CPSF1: variants seen among roughly 807,000 people sequenced by gnomAD.
The protein encoded by CPSF1 is cleavage and polyadenylation specific factor 1, also known as cleavage and polyadenylation specificity factor subunit 1.
A neutral mutation model predicts 175.8 loss-of-function variants in CPSF1; 106 were observed. The observed-to-expected ratio is 0.60, with a 90% CI of 0.52 to 0.71. The LOEUF is 0.71. Ranked by LOEUF, CPSF1 falls within the 30% of genes least tolerant of loss-of-function variation. CPSF1 has a pLI of 0.00. For missense variants in CPSF1, 1,734 were observed against 2,022.9 expected, an observed-to-expected ratio of 0.86 and a Z score of 2.74; for synonymous variants, 1,024 against 858.3, an observed-to-expected ratio of 1.19 and a Z score of -3.37.
In CPSF1 at chr8:144,398,092, G is replaced by A; in HGVS notation, c.1935C>T (p.Pro645=). 6.2e-7 allele frequency: 1 copy of A among 1,610,004 alleles called. No individual in the cohort carries two copies. Among genetic ancestry groups the A allele is most frequent in the Non-Finnish European group, 8.5e-7 (1 of 1,178,258 alleles). Residue 645 remains proline, a synonymous_variant, in exon 20 of 38, where the codon CCC becomes CCT. Transcript: ENST00000616140. ...GGTCGGCCACGGCGCACTGCACGATGGGGGCGCCCAGGTCCACGGGGATGA... is the reference window on the plus strand; with the variant it reads ...GGTCGGCCACGGCGCACTGCACGATAGGGGCGCCCAGGTCCACGGGGATGA... ...LHFIPVDLGA[P]IVQCAVADPY...
chr8:144,406,239 TCTC>T (rs1554869062), intron 2 of CPSF1, among the ~76,000 whole-genome samples: 1 of 152,152 alleles, frequency 6.6e-6, no homozygotes, highest in African/African-American at 2.4e-5. Flanking sequence ...TTTACGCACA[TCTC>T]CTCCAGAGTT....
In CPSF1 at chr8:144,393,657, C is replaced by A. The variant is rs2272660; in HGVS notation, c.4145+10G>T. 6.4e-7 allele frequency: 1 copy of A among 1,565,598 alleles called. No homozygotes were observed. The highest frequency in any genetic ancestry group is 8.6e-7 in the Non-Finnish European group (1 of 1,162,434). ...AGGGGGTGCTGCACGGGGGCGGGGC[C>A]GGGGCTCACCGGAAGGCGCGGGGGT... On this transcript the variant is annotated intron_variant, in intron 36 of 37. Coordinates refer to ENST00000616140, the MANE Select transcript of CPSF1 (RefSeq NM_013291.3).
intron 2 of CPSF1, among the ~76,000 whole-genome samples, chr8:144,406,842 G>A (rs1158163756): frequency 6.6e-6 from 1 of 152,220 alleles, no homozygotes; most frequent in Non-Finnish European, 1.5e-5. Context: ...ATGCTGGGAG[G>A]TGTTGCACCC....
At position 144,397,810 on chromosome 8, in the gene CPSF1, C is replaced by T. The variant is rs546554835; in HGVS notation, c.2143G>A (p.Gly715Ser). The change falls in exon 21 of 38, where the codon GGT becomes AGT. Residue 715 changes from glycine (G) to serine (S), a missense_variant. Coordinates refer to ENST00000616140, the MANE Select transcript of CPSF1 (RefSeq NM_013291.3). Reference protein sequence around the residue: ...SGMFTTESRLGGARDELGGRS... With the variant: ...SGMFTTESRLSGARDELGGRS... ...CCCCCGAGCTCGTCACGGGCCCCAC[C>T]CAGGCGGCTCTCAGTGGTGAACATG... is the stretch of plus-strand genomic sequence containing the variant. 9.6e-5 allele frequency: 154 copies of T among 1,611,192 alleles called. No individual in the cohort carries two copies. The highest frequency in any genetic ancestry group is 6.7e-4 in the African/African-American group (50 of 75,030).
In CPSF1 at chr8:144,396,511, G is replaced by A; in HGVS notation, c.2827-11C>T. 1 of 1,611,532 alleles carries A rather than the reference G, an allele frequency of 6.2e-7. No individual in the cohort carries two copies. On this transcript the variant is annotated splice_polypyrimidine_tract_variant and intron_variant, in intron 25 of 37. Transcript: ENST00000616140. ...GCCGCAGATGAAGACCTGGGGGCAG[G>A]CACCGTGAGGATGCTGTGGATGAGG...
intron 2 of CPSF1, among the ~76,000 whole-genome samples, chr8:144,404,370 A>T (rs1407848196): frequency 1.4e-5 from 2 of 146,434 alleles, no homozygotes; most frequent in African/African-American, 5.0e-5. Context: ...ACTCAGAAGA[A>T]TTTTTTTTTT....
chr8:144,401,296 G>T lies in CPSF1; in HGVS notation c.307-5C>A. The T allele has an allele frequency of 6.4e-7, 1 of 1,571,862 alleles. No homozygotes were observed. On this transcript the variant is annotated splice_polypyrimidine_tract_variant and splice_region_variant and intron_variant, in intron 4 of 37. Coordinates refer to ENST00000616140, the MANE Select transcript of CPSF1 (RefSeq NM_013291.3). ...GTCGTACTCCACCACAGACAGCTGC[G>T]GTCAGAGGGCACAGCCGTGGCTGCC...
chr8:144,400,144 GCC>G lies in CPSF1; in HGVS notation c.937+20_937+21del. Reference sequence around the variant, plus strand: ...CCCAAGCCGTCCCCGGGCCCCCCCCGCCCCAGCCACCCCACACTCACGAAGCG... The same window carrying G: ...CCCAAGCCGTCCCCGGGCCCCCCCCGCCAGCCACCCCACACTCACGAAGCG... On this transcript the variant is annotated intron_variant, in intron 9 of 37. Transcript: ENST00000616140. The G allele has an allele frequency of 9.4e-7, 1 of 1,066,934 alleles. No homozygotes were observed. Among genetic ancestry groups the G allele is most frequent in the Non-Finnish European group, 1.2e-6 (1 of 807,582 alleles). 66.1% of individuals were successfully genotyped at this position (1,066,934 alleles called of 1,614,324 possible).
At position 144,394,649 on chromosome 8, in the gene CPSF1, G is replaced by A; in HGVS notation, c.3562C>T (p.Gln1188Ter). The change falls in exon 31 of 38, where the codon CAG becomes TAG. Residue 1188 changes from glutamine to a stop codon, truncating the protein, a stop_gained. Coordinates refer to ENST00000616140, the MANE Select transcript of CPSF1 (RefSeq NM_013291.3). LOFTEE classifies it high-confidence loss of function. ...CNGHLVSAIG[Q>*]KIFLWSLRAS... Reference sequence around the variant, plus strand: ...GCCGGGTGGGACTGGCACACCTTCTGGCCGATGGCCGACACCAGGTGGCCA... The same window carrying A: ...GCCGGGTGGGACTGGCACACCTTCTAGCCGATGGCCGACACCAGGTGGCCA... 1.2e-6 allele frequency: 2 copies of A among 1,606,294 alleles called. No individual in the cohort carries two copies. Among genetic ancestry groups the A allele is most frequent in the East Asian group, 2.2e-5 (1 of 44,624 alleles).
rs2116856887 is a variant in CPSF1, at chr8:144,398,993, C to A, written c.1513G>T (p.Gly505Cys). 2.5e-6 allele frequency: 4 copies of A among 1,612,276 alleles called. No homozygotes were observed. The highest frequency in any genetic ancestry group is 3.3e-5 in the Admixed American group (2 of 59,926). Residue 505 changes from glycine (G) to cysteine (C), a missense_variant, in exon 16 of 38, where the codon GGC (glycine) becomes TGC (cysteine). Coordinates refer to ENST00000616140, the MANE Select transcript of CPSF1 (RefSeq NM_013291.3). Reference protein sequence around the residue: ...EPDLEIVVCSGHGKNGALSVL... With the variant: ...EPDLEIVVCSCHGKNGALSVL... The stretch of plus-strand genomic sequence containing the variant: ...GACAAAGCCCCGTTCTTCCCGTGGC[C>A]GGAGCAAACCACAATCTCCAGGTCC...
At position 144,399,567 on chromosome 8, in the gene CPSF1, C is replaced by T. The variant is rs2116864093; in HGVS notation, c.1242+21G>A. 1.2e-5 allele frequency: 19 copies of T among 1,610,714 alleles called. No individual in the cohort carries two copies. The Admixed American group carries it at 3.2e-4, about 27-fold the overall frequency. On this transcript the variant is annotated intron_variant, in intron 12 of 37. Transcript: ENST00000616140. The surrounding 1 kb of genome is among the most constrained non-coding windows in gnomAD (Gnocchi z 6.4). ...AGTGCCCACATGAAGGGTGGTGGCC[C>T]AATGGGCCCAGGAAACCCACCTTGT...
intron 2 of CPSF1, among the ~76,000 whole-genome samples, chr8:144,405,055 GAGAA>G (rs1554868638): frequency 1.5e-5 from 1 of 66,282 alleles, no homozygotes; most frequent in African/African-American, 6.3e-5. Flanking sequence ...AAAAAAAAAA[GAGAA>G]AGAAAGAAAG....
rs2116853240 is a variant in CPSF1, at chr8:144,398,654, G to T, written c.1639-16C>A. The T allele has an allele frequency of 6.8e-6, 11 of 1,613,020 alleles. No homozygotes were observed. The highest frequency in any genetic ancestry group is 5.0e-5 in the Admixed American group (3 of 59,992). On this transcript the variant is annotated splice_polypyrimidine_tract_variant and intron_variant, in intron 17 of 37. Coordinates refer to ENST00000616140, the MANE Select transcript of CPSF1 (RefSeq NM_013291.3). The stretch of plus-strand genomic sequence containing the variant: ...GATTGTCCTCCTGTCAGGGCCAAAG[G>T]GGGGCAGGCTGGAAGCCACAGTCCA...
In CPSF1 at chr8:144,393,648, G is replaced by A. The variant is rs1554862239; in HGVS notation, c.4145+19C>T. The A allele has an allele frequency of 1.9e-6, 3 of 1,567,752 alleles. No individual in the cohort carries two copies. The highest frequency in any genetic ancestry group is 2.6e-6 in the Non-Finnish European group (3 of 1,163,202). On this transcript the variant is annotated intron_variant, in intron 36 of 37. Transcript: ENST00000616140. Reference sequence around the variant, plus strand: ...CTGGGGTGGAGGGGGTGCTGCACGGGGGCGGGGCCGGGGCTCACCGGAAGG... The same window carrying A: ...CTGGGGTGGAGGGGGTGCTGCACGGAGGCGGGGCCGGGGCTCACCGGAAGG...
chr8:144,405,043 TAA>T (rs575854161), intron 2 of CPSF1, among the ~76,000 whole-genome samples: 2 of 121,540 alleles, frequency 1.6e-5, no homozygotes, highest in South Asian at 3.0e-4. Flanking sequence ...AGACTCCGTC[TAA>T]AAAAAAAAAG....
chr8:144,407,814 G>C (rs1049044759), intron 2 of CPSF1, among the ~76,000 whole-genome samples: 2 of 152,118 alleles, frequency 1.3e-5, no homozygotes, highest in African/African-American at 4.8e-5. Flanking sequence ...CCCAAAGTGT[G>C]GGACTATAGG....
intron 19 of CPSF1, 27 bp from the exon 20 acceptor site, chr8:144,398,159 GCCTCC>G (rs1820898868): frequency 2.0e-6 from 2 of 983,740 alleles, no homozygotes; most frequent in Non-Finnish European, 1.3e-6. Flanking sequence ...GTCAGCATGC[GCCTCC>G]CCACCACCGT....
chr8:144,401,734 G>A, intron 2 of CPSF1, 61 bp from the exon 3 acceptor site: 2 of 1,534,258 alleles, frequency 1.3e-6, no homozygotes, highest in Non-Finnish European at 1.8e-6. Flanking sequence ...CCTCATCCGG[G>A]GAACGAGAAA....
At chr8:144,403,469 G>C (rs557703016) in intron 2 of CPSF1, among the ~76,000 whole-genome samples, 1 of 151,944 alleles carries the variant, frequency 6.6e-6, no homozygotes, top group Non-Finnish European at 1.5e-5. Flanking sequence ...CTGCAGCCTC[G>C]ACCTCCTGGG....
Sources: allele counts gnomAD v4.1 joint callset (sites outside exome capture counted in the v4.1 genomes callset), GRCh38; gene constraint gnomAD v4.1.1; non-coding constraint Gnocchi (gnomAD v3.1); transcripts MANE v1.5; gene names NCBI Gene and HGNC (gene_info 2026-07-23, HGNC 2026-07-21).